The following FGF14 variants were observed in gnomAD, a reference collection of about 807,000 sequenced individuals.
The protein encoded by FGF14 is fibroblast growth factor homologous factor 4.
In FGF14, 5 loss-of-function variants were observed where a neutral mutation model predicts 25.5. That is an observed-to-expected ratio of 0.20 (90% confidence interval 0.10 to 0.41). The LOEUF (loss-of-function observed/expected upper bound fraction) is 0.41, where lower values mean the gene tolerates loss of function less well. Ranked by LOEUF, FGF14 falls within the 10% of genes least tolerant of loss-of-function variation. The pLI is 1.00. For missense variants in FGF14, 222 were observed against 320.1 expected, an observed-to-expected ratio of 0.69 and a Z score of 2.34; for synonymous variants, 138 against 118.3, an observed-to-expected ratio of 1.17 and a Z score of -1.08.
chr13:102,246,751 C>CATATATATATATAT (rs34759741), intron 1 of FGF14, among the ~76,000 whole-genome samples: 2 of 148,082 alleles, frequency 1.4e-5, no homozygotes, highest in Non-Finnish European at 3.0e-5. Context: ...TTATATGGAA[C>CATATATATATATAT]ATATATATAT....
At chr13:102,019,363 T>C (rs1258510601) in intron 1 of FGF14, among the ~76,000 whole-genome samples, 1 of 152,146 alleles carries the variant, frequency 6.6e-6, no homozygotes, top group Non-Finnish European at 1.5e-5. Context: ...ACCCTCTGTG[T>C]CTACCCACCT....
intron 3 of FGF14, among the ~76,000 whole-genome samples, chr13:101,851,160 ATATG>A (rs1251696028): frequency 1.3e-5 from 2 of 151,976 alleles, no homozygotes; most frequent in African/African-American, 4.8e-5. Flanking sequence ...CCCTAATCCA[ATATG>A]TCTGGTGTCT....
chr13:102,342,145 T>A lies in FGF14; in HGVS notation c.208+59326A>T, dbSNP rs1453869006. ...ATAAAGCCATAAGTTACGAGGGAGT[T>A]ATGTGTCTCAATCTCTCCATTCATT... On this transcript the variant is annotated intron_variant, in intron 1 of 4. Transcript: ENST00000376131. Among the ~76,000 whole-genome samples the A allele has an allele frequency of 5.3e-5, 8 of 152,168 alleles. No homozygotes were observed. The South Asian group carries it at 6.2e-4, about 12-fold the overall frequency.
intron 1 of FGF14, among the ~76,000 whole-genome samples, chr13:102,126,988 A>T (rs1281431791): frequency 6.6e-6 from 1 of 152,212 alleles, no homozygotes; most frequent in African/African-American, 2.4e-5. Flanking sequence ...GCTTTGAGGT[A>T]ACAAGCTGAG....
At chr13:102,149,323 T>TA (rs34678261) in intron 1 of FGF14, among the ~76,000 whole-genome samples, 31 of 152,074 alleles carry the variant, frequency 2.0e-4, no homozygotes, top group African/African-American at 6.5e-4. Context: ...AGGTGTTACT[T>TA]AAAAAAAGAA....
intron 1 of FGF14, among the ~76,000 whole-genome samples, chr13:102,136,696 A>T (rs554888688): frequency 5.9e-5 from 9 of 152,026 alleles, no homozygotes; most frequent in African/African-American, 9.6e-5. Flanking sequence ...TGATAAAGTT[A>T]GTCCATAGGT....
At chr13:101,905,731 G>A (rs1159906576) in intron 1 of FGF14, among the ~76,000 whole-genome samples, 1 of 152,054 alleles carries the variant, frequency 6.6e-6, no homozygotes, top group Non-Finnish European at 1.5e-5. Flanking sequence ...AATGAACAGA[G>A]GGAATCTTGT....
At chr13:101,745,968 T>A (rs977112216) in intron 3 of FGF14, among the ~76,000 whole-genome samples, 1 of 152,008 alleles carries the variant, frequency 6.6e-6, no homozygotes, top group Admixed American at 6.6e-5. Flanking sequence ...TATAGTGTCC[T>A]AGAAAGAATG....
intron 1 of FGF14, among the ~76,000 whole-genome samples, chr13:102,315,632 TC>T: frequency 6.6e-6 from 1 of 152,336 alleles, no homozygotes; most frequent in East Asian, 1.9e-4. Context: ...TGTCTTGTAA[TC>T]CTTCTTGAAA....
intron 1 of FGF14, among the ~76,000 whole-genome samples, chr13:101,968,573 T>C (rs1011535934): frequency 2.0e-5 from 3 of 147,198 alleles, no homozygotes; most frequent in Non-Finnish European, 3.0e-5. Flanking sequence ...CTCGGGAGGC[T>C]GAGGCAGGAG....
chr13:101,714,714 A>G lies in FGF14; in HGVS notation c.*8117T>C. ...GCATTTGGGAAAAAGCCCTCACAAA[A>G]GCCTCACATTATTCCTAGGCATAGA... is the stretch of plus-strand genomic sequence containing the variant. On this transcript the variant is annotated 3_prime_UTR_variant, in exon 5 of 5. Coordinates refer to ENST00000376143, the MANE Select transcript of FGF14 (RefSeq NM_004115.4). 1.7e-6 allele frequency: 1 copy of G among 603,542 alleles called. No individual in the cohort carries two copies. Among genetic ancestry groups the G allele is most frequent in the East Asian group, 2.8e-5 (1 of 36,352 alleles). The allele number at this position is 603,542 out of a possible 1,614,324, so 37.4% of individuals were successfully genotyped here. A position where few individuals can be genotyped will look rare whatever the true frequency, so the allele number is the denominator to read the frequency against.
chr13:101,951,404 T>C (rs1468263712), intron 1 of FGF14, among the ~76,000 whole-genome samples: 1 of 152,132 alleles, frequency 6.6e-6, no homozygotes, highest in East Asian at 1.9e-4. Context: ...CCCTTTATTT[T>C]TTTTCAGTTT....
intron 3 of FGF14, among the ~76,000 whole-genome samples, chr13:101,746,538 G>A (rs894454519): frequency 6.6e-6 from 1 of 151,994 alleles, no homozygotes; most frequent in Admixed American, 6.6e-5. Flanking sequence ...CCTAGAGAGT[G>A]CAGTTAAGAA....
intron 1 of FGF14, among the ~76,000 whole-genome samples, chr13:101,923,771 G>A (rs868669649): frequency 6.6e-6 from 1 of 152,008 alleles, no homozygotes; most frequent in Non-Finnish European, 1.5e-5. Context: ...TTAAAAAACT[G>A]GAAGGAATTT....
chr13:102,230,741 G>A (rs896679662), intron 1 of FGF14, among the ~76,000 whole-genome samples: 2 of 152,162 alleles, frequency 1.3e-5, no homozygotes, highest in African/African-American at 2.4e-5. Flanking sequence ...TTATAAGATC[G>A]AGTAGATGGA....
intron 1 of FGF14, among the ~76,000 whole-genome samples, chr13:102,251,512 T>C (rs1393943439): frequency 6.6e-6 from 1 of 152,188 alleles, no homozygotes; most frequent in Non-Finnish European, 1.5e-5. Flanking sequence ...AGCATTTCCT[T>C]CATCCTGAGG....
At chr13:102,084,461 A>G (rs1382343424) in intron 1 of FGF14, among the ~76,000 whole-genome samples, 2 of 152,166 alleles carry the variant, frequency 1.3e-5, no homozygotes, top group Non-Finnish European at 2.9e-5. Flanking sequence ...CTAACAAGAC[A>G]TTTTTTATTC....
chr13:102,129,106 C>T (rs114894017), intron 1 of FGF14, among the ~76,000 whole-genome samples: 3 of 151,816 alleles, frequency 2.0e-5, no homozygotes, highest in African/African-American at 4.8e-5. Context: ...AAAACTTAGC[C>T]GGGTGTAGTG....
In FGF14 at chr13:102,163,174, C is replaced by A. The variant is rs529481249; in HGVS notation, c.208+238297G>T. The stretch of plus-strand genomic sequence containing the variant: ...CTTGTAAACATTTTCTGTCCAATTC[C>A]ATTAATAACCTGTCATAGATGAATT... On this transcript the variant is annotated intron_variant, in intron 1 of 4. Transcript: ENST00000376131. Among the ~76,000 whole-genome samples the A allele has an allele frequency of 1.1e-4, 17 of 152,258 alleles. No homozygotes were observed. The East Asian group carries it at 3.3e-3, about 29-fold the overall frequency.
Sources: allele counts gnomAD v4.1 joint callset (sites outside exome capture counted in the v4.1 genomes callset), GRCh38; gene constraint gnomAD v4.1.1; transcripts MANE v1.5; gene names NCBI Gene and HGNC (gene_info 2026-07-23, HGNC 2026-07-21).